Variants in SPSB4 observed in about 807,000 individuals in gnomAD.
SPSB4 encodes splA/ryanodine receptor domain and SOCS box containing 4.
Under a neutral mutation model 20.9 loss-of-function variants are expected in SPSB4, and 21 were observed. The ratio of observed to expected loss-of-function variants is 1.01; its 90% confidence interval spans 0.71 to 1.45. SPSB4 has a LOEUF of 1.45. SPSB4 is among the 40% of genes most tolerant of loss of function. The pLI is 0.00. For synonymous variants in SPSB4, 207 were observed against 183.8 expected (o/e 1.13, Z -1.02); for missense variants, 399 against 399.2 (o/e 1.00, Z 0.00).
At chr3:141,057,605 C>T (rs183803002) in intron 1 of SPSB4, among the ~76,000 whole-genome samples, 9 of 152,238 alleles carry the variant, frequency 5.9e-5, no homozygotes, top group East Asian at 5.8e-4. Context: ...TGCCCCAGTC[C>T]GATGGGAGGG....
chr3:141,114,063 G>C (rs573855849), intron 2 of SPSB4, among the ~76,000 whole-genome samples: 49 of 152,174 alleles, frequency 3.2e-4, no homozygotes, highest in Admixed American at 1.3e-3. Context: ...ACTCTAGCCT[G>C]AGTGACAGAG....
chr3:141,131,925 G>A (rs1939137842), intron 2 of SPSB4, among the ~76,000 whole-genome samples: 1 of 152,172 alleles, frequency 6.6e-6, no homozygotes, highest in Admixed American at 6.5e-5. Flanking sequence ...TAAAAGCATT[G>A]TGAGCATTCT....
chr3:141,112,860 G>A (rs1369082993), intron 2 of SPSB4, among the ~76,000 whole-genome samples: 1 of 152,006 alleles, frequency 6.6e-6, no homozygotes, highest in Non-Finnish European at 1.5e-5. Flanking sequence ...AGCTTTCCAG[G>A]GCCTCTCAGC....
At chr3:141,142,718 C>G (rs931473462) in intron 2 of SPSB4, among the ~76,000 whole-genome samples, 1 of 149,450 alleles carries the variant, frequency 6.7e-6, no homozygotes, top group Non-Finnish European at 1.5e-5. Flanking sequence ...TTTGGGAGCT[C>G]CTGTGTTAGG....
chr3:141,082,986 T>C (rs1938268271), intron 2 of SPSB4, among the ~76,000 whole-genome samples: 1 of 152,060 alleles, frequency 6.6e-6, no homozygotes. Flanking sequence ...AAGGCCAGGT[T>C]TTGCTGAGCT....
chr3:141,094,097 C>T (rs1196992234), intron 2 of SPSB4, among the ~76,000 whole-genome samples: 1 of 152,230 alleles, frequency 6.6e-6, no homozygotes, highest in Non-Finnish European at 1.5e-5. Flanking sequence ...ATCTCTACAG[C>T]AAGCGGTTTG....
At chr3:141,085,436 C>T in intron 2 of SPSB4, among the ~76,000 whole-genome samples, 1 of 152,162 alleles carries the variant, frequency 6.6e-6, no homozygotes, top group East Asian at 1.9e-4. Flanking sequence ...GGCTTCCATT[C>T]CCATAGGTAC....
Position 141,062,466 on chromosome 3 carries a change from T to G in SPSB4, c.-153-3486T>G, listed in dbSNP as rs116274210. 9.4e-3 allele frequency among the ~76,000 whole-genome samples: 1,425 copies of G among 152,272 alleles called. 25 individuals are homozygous for G. The highest frequency in any genetic ancestry group is 0.032 in the African/African-American group (1,346 of 41,566). ...TTTTTGCTTAGTTCTATTATTTCCCTATTTTATTATGCTCCATTCATTTTT... is the reference window on the plus strand; with the variant it reads ...TTTTTGCTTAGTTCTATTATTTCCCGATTTTATTATGCTCCATTCATTTTT... On this transcript the variant is annotated intron_variant, in intron 1 of 2. Coordinates refer to ENST00000310546, the MANE Select transcript of SPSB4 (RefSeq NM_080862.3).
At chr3:141,089,293 C>T (rs1010164980) in intron 2 of SPSB4, among the ~76,000 whole-genome samples, 7 of 152,204 alleles carry the variant, frequency 4.6e-5, no homozygotes, top group African/African-American at 1.7e-4. Flanking sequence ...TTTGCAGCCA[C>T]AAAGATTGGC....
At chr3:141,137,149 A>G (rs964230870) in intron 2 of SPSB4, among the ~76,000 whole-genome samples, 9 of 152,004 alleles carry the variant, frequency 5.9e-5, no homozygotes, top group African/African-American at 2.2e-4. Flanking sequence ...TTTGTCTGTT[A>G]TTGGTGTATA....
At chr3:141,138,065 G>T (rs1232453237) in intron 2 of SPSB4, among the ~76,000 whole-genome samples, 1 of 152,218 alleles carries the variant, frequency 6.6e-6, no homozygotes, top group Admixed American at 6.5e-5. Flanking sequence ...AGTCTTGGGA[G>T]AGTGTATGTG....
At chr3:141,118,073 C>T (rs1406149051) in intron 2 of SPSB4, among the ~76,000 whole-genome samples, 5 of 152,192 alleles carry the variant, frequency 3.3e-5, no homozygotes, top group South Asian at 2.1e-4. Flanking sequence ...CTTGAGGAAT[C>T]GCCACACTGC....
At chr3:141,136,627 T>G (rs1202282763) in intron 2 of SPSB4, among the ~76,000 whole-genome samples, 2 of 152,224 alleles carry the variant, frequency 1.3e-5, no homozygotes, top group South Asian at 2.1e-4. Flanking sequence ...TTTTGTCAGG[T>G]TTGTCAAAGA....
At chr3:141,098,693 G>A (rs796263712) in intron 2 of SPSB4, among the ~76,000 whole-genome samples, 36 of 152,160 alleles carry the variant, frequency 2.4e-4, no homozygotes, top group African/African-American at 8.4e-4. Flanking sequence ...GGTATTCTAG[G>A]TATACCATCA....
At chr3:141,053,722 T>C (rs1936134561) in intron 1 of SPSB4, among the ~76,000 whole-genome samples, 1 of 151,518 alleles carries the variant, frequency 6.6e-6, no homozygotes, top group African/African-American at 2.5e-5. Context: ...AAAATGCAAG[T>C]TAAAATTACA....
chr3:141,066,309 G>A lies in SPSB4; in HGVS notation c.205G>A (p.Asp69Asn). ...CCGCTCGCTCAACGTCTTCGTCAAG[G>A]ACGACGACCGGCTCACCTTCCACCG... ...EDRSLNVFVK[D>N]DDRLTFHRHP... Residue 69 changes from aspartate to asparagine, a missense_variant, in exon 2 of 3, where the codon GAC becomes AAC. Coordinates refer to ENST00000310546, the MANE Select transcript of SPSB4 (RefSeq NM_080862.3). 1 of 1,574,036 alleles carries A rather than the reference G, an allele frequency of 6.4e-7. No individual in the cohort carries two copies. Among genetic ancestry groups the A allele is most frequent in the East Asian group, 2.4e-5 (1 of 41,946 alleles).
intron 2 of SPSB4, among the ~76,000 whole-genome samples, chr3:141,085,708 G>A (rs1046161681): frequency 6.6e-6 from 1 of 152,216 alleles, no homozygotes; most frequent in Admixed American, 6.5e-5. Flanking sequence ...CCAATCTTAC[G>A]TCTGTGGGAA....
At chr3:141,119,968 G>A (rs913311850) in intron 2 of SPSB4, among the ~76,000 whole-genome samples, 5 of 151,890 alleles carry the variant, frequency 3.3e-5, no homozygotes, top group Non-Finnish European at 1.5e-5. Flanking sequence ...TTTTGAATTT[G>A]GTTGCTCTTG....
intron 2 of SPSB4, among the ~76,000 whole-genome samples, chr3:141,087,035 C>T (rs1163348718): frequency 6.6e-6 from 1 of 152,158 alleles, no homozygotes; most frequent in Non-Finnish European, 1.5e-5. Flanking sequence ...AAAGGTGGCC[C>T]AGAGCTTCAG....
Sources: gnomAD v4.1 joint callset for allele counts (sites outside exome capture counted in the v4.1 genomes callset) on GRCh38, gnomAD v4.1.1 for gene constraint, MANE v1.5 for transcripts, NCBI Gene and HGNC (gene_info 2026-07-23, HGNC 2026-07-21) for gene names.